ABLIM2: variants seen among roughly 807,000 people sequenced by gnomAD.
ABLIM2 encodes actin binding LIM protein family member 2.
A neutral mutation model predicts 97.7 loss-of-function variants in ABLIM2; 53 were observed. That is an observed-to-expected ratio of 0.54 (90% CI 0.44 to 0.68). The LOEUF is 0.68. Ranked by LOEUF, ABLIM2 falls within the 30% of genes least tolerant of loss-of-function variation. ABLIM2 has a pLI of 0.00. For synonymous variants in ABLIM2, 361 were observed against 345.8 expected (o/e 1.04, Z -0.49); for missense variants, 835 against 867.2 (o/e 0.96, Z 0.47).
Position 8,045,142 on chromosome 4 carries a change from C to T in ABLIM2, c.900+22G>A, listed in dbSNP as rs749330618. Reference sequence around the variant, plus strand: ...TCTCTCCACCCTCCCACCGCCGTCCCCATAAAAAGGCCCTGACTTACATAA... The same window carrying T: ...TCTCTCCACCCTCCCACCGCCGTCCTCATAAAAAGGCCCTGACTTACATAA... On this transcript the variant is annotated intron_variant, in intron 9 of 20. Coordinates refer to ENST00000447017, the MANE Select transcript of ABLIM2 (RefSeq NM_001130083.2). The T allele has an allele frequency of 4.3e-6, 7 of 1,610,072 alleles. No homozygotes were observed. In the South Asian group the frequency reaches 5.5e-5, roughly 13 times the overall value.
At position 8,127,708 on chromosome 4, in the gene ABLIM2, G is replaced by A. The variant is rs1008573837; in HGVS notation, c.11-21071C>T. On this transcript the variant is annotated intron_variant, in intron 1 of 20. Coordinates refer to ENST00000447017, the MANE Select transcript of ABLIM2 (RefSeq NM_001130083.2). The surrounding 1 kb of genome is among the most constrained non-coding windows in gnomAD (Gnocchi z 7.3). ...GCCCACAGGGCTCCCACAAGGTCAC[G>A]TGGCAGCTGCCACCCTCTGCCCGGG... The A allele has an allele frequency of 1.9e-5, 24 of 1,237,914 alleles. No homozygotes were observed. The highest frequency in any genetic ancestry group is 2.5e-5 in the Non-Finnish European group (24 of 958,508). 76.7% of individuals were successfully genotyped at this position (1,237,914 alleles called of 1,614,324 possible).
At position 8,103,589 on chromosome 4, in the gene ABLIM2, T is replaced by C. The variant is rs1024768332; in HGVS notation, c.154+2905A>G. Among the ~76,000 whole-genome samples, 9 of 152,034 alleles carry C rather than the reference T, an allele frequency of 5.9e-5. No homozygotes were observed. The South Asian group carries it at 8.3e-4, about 14-fold the overall frequency. ...CCTCAGACCCCTGCTACTGCTGGAG[T>C]CCATGGTCACTAATCATCTTGGGTG... On this transcript the variant is annotated intron_variant, in intron 2 of 20. Transcript: ENST00000447017.
intron 1 of ABLIM2, among the ~76,000 whole-genome samples, chr4:8,137,345 C>T (rs542464694): frequency 2.0e-5 from 3 of 152,222 alleles, no homozygotes; most frequent in Non-Finnish European, 4.4e-5. Context: ...GCATGAACCC[C>T]GGACAAGTGG....
At chr4:8,066,663 A>G (rs997805054) in intron 6 of ABLIM2, 7 of 152,212 alleles carry the variant, frequency 4.6e-5, no homozygotes, top group African/African-American at 1.7e-4. Context: ...GCCACGGGGT[A>G]GAGGATTCCT....
chr4:8,008,024 C>A, intron 16 of ABLIM2, 35 bp downstream of exon 16: 1 of 1,608,068 alleles, frequency 6.2e-7, no homozygotes, highest in Non-Finnish European at 8.5e-7. Flanking sequence ...GCATTTTGTG[C>A]ACATCACGGC....
chr4:8,053,270 G>A (rs1251932688), intron 8 of ABLIM2, among the ~76,000 whole-genome samples: 1 of 152,206 alleles, frequency 6.6e-6, no homozygotes, highest in Non-Finnish European at 1.5e-5. Context: ...TCCACGCTTT[G>A]AGTCATCCTG....
chr4:8,129,856 G>A (rs1432560267), intron 1 of ABLIM2, among the ~76,000 whole-genome samples: 1 of 152,240 alleles, frequency 6.6e-6, no homozygotes, highest in Non-Finnish European at 1.5e-5. Flanking sequence ...GGATGGGAGT[G>A]CAGGGGCAGT....
At chr4:8,077,517 C>T in intron 6 of ABLIM2, 111 bp downstream of exon 6, 1 of 1,087,672 alleles carries the variant, frequency 9.2e-7, no homozygotes, top group South Asian at 1.5e-5. Flanking sequence ...GGAGGTGAAG[C>T]TGCAGCCAGA....
intron 6 of ABLIM2, among the ~76,000 whole-genome samples, chr4:8,064,622 A>G (rs1561094188): frequency 6.6e-6 from 1 of 152,134 alleles, no homozygotes; most frequent in Non-Finnish European, 1.5e-5. Context: ...CACACGCCGC[A>G]CCCTCGTGTC....
Position 8,102,602 on chromosome 4 carries a change from T to A in ABLIM2, c.154+3892A>T, listed in dbSNP as rs527285235. On this transcript the variant is annotated intron_variant, in intron 2 of 20. Coordinates refer to ENST00000447017, the MANE Select transcript of ABLIM2 (RefSeq NM_001130083.2). ...TTGAGACACCTGCCTAAGATCCACA[T>A]GAGCTGTGGGTGGCAGAGGTGGAAT... 8.5e-5 allele frequency among the ~76,000 whole-genome samples: 13 copies of A among 152,266 alleles called. No individual in the cohort carries two copies. The South Asian group carries it at 2.5e-3, about 29-fold the overall frequency.
intron 8 of ABLIM2, among the ~76,000 whole-genome samples, chr4:8,048,062 G>T (rs1191413391): frequency 6.6e-6 from 1 of 152,222 alleles, no homozygotes; most frequent in Admixed American, 6.5e-5. Flanking sequence ...ACGGGGCCAG[G>T]GGCCAGGTTT....
rs1265569537 is a variant in ABLIM2 at position 8,002,349 on chromosome 4, G to A, written c.1618+5710C>T. On this transcript the variant is annotated intron_variant, in intron 16 of 20. Coordinates refer to ENST00000447017, the MANE Select transcript of ABLIM2 (RefSeq NM_001130083.2). The surrounding 1 kb of genome is among the most constrained non-coding windows in gnomAD (Gnocchi z 6.1). ...TGTCTTCTTTGATTCCGTCACCCCC[G>A]CAGCCAGTGGTTCCTGAGCTGCCAC... 6.6e-6 allele frequency among the ~76,000 whole-genome samples: 1 copy of A among 152,082 alleles called. No homozygotes were observed.
intron 1 of ABLIM2, among the ~76,000 whole-genome samples, chr4:8,142,856 A>T (rs1308354049): frequency 6.6e-6 from 1 of 152,194 alleles, no homozygotes; most frequent in Admixed American, 6.5e-5. Context: ...GCCCTCAATG[A>T]GAACATCAGC....
intron 9 of ABLIM2, among the ~76,000 whole-genome samples, chr4:8,039,004 C>T (rs556600819): frequency 9.2e-5 from 14 of 152,236 alleles, no homozygotes; most frequent in East Asian, 1.9e-4. Context: ...CCAGGCTCAG[C>T]GAAGGCCCCT....
rs557520207 is a variant in ABLIM2, at chr4:8,043,631, G to A, written c.900+1533C>T. ...GTGATGATGCAAGGAGAGGACGGCCGCCTGCGGGCCAGGGATGGGGAGCCA... is the reference window on the plus strand; with the variant it reads ...GTGATGATGCAAGGAGAGGACGGCCACCTGCGGGCCAGGGATGGGGAGCCA... On this transcript the variant is annotated intron_variant, in intron 9 of 20. Transcript: ENST00000447017. The surrounding 1 kb of genome is among the most constrained non-coding windows in gnomAD (Gnocchi z 4.8). Among the ~76,000 whole-genome samples the A allele has an allele frequency of 1.8e-4, 28 of 152,276 alleles. No individual in the cohort carries two copies. Among genetic ancestry groups the A allele is most frequent in the East Asian group, 5.8e-4 (3 of 5,160 alleles).
chr4:7,997,683 C>G (rs544827070), intron 16 of ABLIM2, among the ~76,000 whole-genome samples: 85 of 152,228 alleles, frequency 5.6e-4, no homozygotes, highest in Non-Finnish European at 1.1e-3. Flanking sequence ...AGGCCCGGGT[C>G]TCCTGCTGCT....
In ABLIM2 at chr4:7,966,878, C is replaced by CCCCTGG; in HGVS notation, c.*111_*112insCCAGGG. 4 of 348,984 alleles carry CCCCTGG rather than the reference C, an allele frequency of 1.1e-5. No homozygotes were observed. The highest frequency in any genetic ancestry group is 2.9e-5 in the South Asian group (1 of 34,104). The allele number at this position is 348,984 out of a possible 1,614,324, so 21.6% of individuals were successfully genotyped here. On this transcript the variant is annotated 3_prime_UTR_variant, in exon 21 of 21. Transcript: ENST00000447017. Reference sequence around the variant, plus strand: ...GCTGGGGGACCCCCTCCCGCCCACCCCATGGACACAGAGAAGCCAGAGCAA... The same window carrying CCCCTGG: ...GCTGGGGGACCCCCTCCCGCCCACCCCCCTGGCATGGACACAGAGAAGCCAGAGCAA...
chr4:7,983,073 A>G (rs182888176), intron 20 of ABLIM2, among the ~76,000 whole-genome samples, 191 bp downstream of exon 20: 4 of 152,332 alleles, frequency 2.6e-5, no homozygotes, highest in Non-Finnish European at 1.5e-5. Context: ...TTGCAAAGCC[A>G]TCAAGGCTGG....
At chr4:8,144,348 G>A (rs1219564020) in intron 1 of ABLIM2, among the ~76,000 whole-genome samples, 1 of 152,232 alleles carries the variant, frequency 6.6e-6, no homozygotes, top group Non-Finnish European at 1.5e-5. Context: ...TCCAGAATCC[G>A]CATCCACCCC....
Sources: allele counts gnomAD v4.1 joint callset (sites outside exome capture counted in the v4.1 genomes callset), GRCh38; gene constraint gnomAD v4.1.1; non-coding constraint Gnocchi (gnomAD v3.1); transcripts MANE v1.5; gene names NCBI Gene and HGNC (gene_info 2026-07-23, HGNC 2026-07-21).